GRM7: variants seen among roughly 807,000 people sequenced by gnomAD.
GRM7 encodes the protein metabotropic glutamate receptor 7.
In GRM7, 35 loss-of-function variants were observed where a neutral mutation model predicts 84.5. The observed-to-expected ratio is 0.41, with a 90% CI of 0.32 to 0.55. The LOEUF (loss-of-function observed/expected upper bound fraction) is 0.55. GRM7 is among the 20% of genes least tolerant of loss of function. The probability of loss-of-function intolerance (pLI) is 0.19; values close to 1 mark genes in which losing one functional copy is unlikely to be tolerated. For missense variants in GRM7, 1,003 were observed against 1,194.6 expected, an observed-to-expected ratio of 0.84 and a Z score of 2.36; for synonymous variants, 487 against 455.1, an observed-to-expected ratio of 1.07 and a Z score of -0.89.
intron 2 of GRM7, among the ~76,000 whole-genome samples, chr3:7,223,926 T>C (rs963216046): frequency 6.6e-6 from 1 of 152,184 alleles, no homozygotes; most frequent in African/African-American, 2.4e-5. Context: ...TTAGTCTCTG[T>C]TTCTGAATAT....
intron 1 of GRM7, among the ~76,000 whole-genome samples, chr3:7,101,882 A>T (rs974476056): frequency 6.6e-6 from 1 of 150,472 alleles, no homozygotes; most frequent in Non-Finnish European, 1.5e-5. Flanking sequence ...AAAGATGACA[A>T]TTGGCATCCT....
At chr3:7,627,434 A>T (rs1192861317) in intron 8 of GRM7, among the ~76,000 whole-genome samples, 2 of 147,854 alleles carry the variant, frequency 1.4e-5, no homozygotes, top group African/African-American at 2.7e-5. Flanking sequence ...AATGACTCTT[A>T]TATGAAATAG....
At chr3:6,911,493 A>G (rs17046328) in intron 1 of GRM7, among the ~76,000 whole-genome samples, 4,837 of 152,224 alleles carry the variant, frequency 0.032, 252 homozygotes, top group African/African-American at 0.11. Flanking sequence ...TTTTCTGTGT[A>G]TATATGCAAA....
At chr3:7,328,886 G>T (rs944172866) in intron 4 of GRM7, among the ~76,000 whole-genome samples, 18 of 152,054 alleles carry the variant, frequency 1.2e-4, no homozygotes, top group African/African-American at 4.3e-4. Flanking sequence ...AGTATATGTG[G>T]GATGGATTTT....
At chr3:6,988,087 C>A (rs934763170) in intron 1 of GRM7, among the ~76,000 whole-genome samples, 1 of 150,638 alleles carries the variant, frequency 6.6e-6, no homozygotes, top group African/African-American at 2.4e-5. Context: ...AGCTCCGCCT[C>A]CTGGGTTCAC....
chr3:7,612,280 GC>G (rs1696882945), intron 8 of GRM7, among the ~76,000 whole-genome samples: 1 of 152,120 alleles, frequency 6.6e-6, no homozygotes, highest in Non-Finnish European at 1.5e-5. Context: ...GATAGGTGTG[GC>G]AACAATAGTA....
chr3:7,590,312 A>G (rs1695717690), intron 8 of GRM7, among the ~76,000 whole-genome samples: 1 of 152,158 alleles, frequency 6.6e-6, no homozygotes, highest in African/African-American at 2.4e-5. Flanking sequence ...GGTTTAACTC[A>G]AGATCACAAA....
rs76227177 is a variant in GRM7 at position 7,668,913 on chromosome 3, A to G, written c.2452-11136A>G. Reference sequence around the variant, plus strand: ...ATGCCTTTGATTTCATTACTTCTAGATGCTCCCTCAATCCCTGATTCCCAC... The same window carrying G: ...ATGCCTTTGATTTCATTACTTCTAGGTGCTCCCTCAATCCCTGATTCCCAC... On this transcript the variant is annotated intron_variant, in intron 8 of 9. Coordinates refer to ENST00000357716, the MANE Select transcript of GRM7 (RefSeq NM_000844.4). 4.5e-3 allele frequency among the ~76,000 whole-genome samples: 692 copies of G among 152,348 alleles called. 17 individuals carry two copies. The East Asian group carries it at 0.091, about 20-fold the overall frequency.
In GRM7 at chr3:6,862,941, G is replaced by T. The variant is rs1168027940; in HGVS notation, c.519+1034G>T. On this transcript the variant is annotated intron_variant, in intron 1 of 9. Transcript: ENST00000357716. This position sits in a 1 kb window ranked among gnomAD's most constrained non-coding sequence, Gnocchi z 5.2. Reference sequence around the variant, plus strand: ...GGGCCGCTGAGCGGTGGGTTCTGCCGCAGTGTTCTCTCGCCTCCTGCTCCA... The same window carrying T: ...GGGCCGCTGAGCGGTGGGTTCTGCCTCAGTGTTCTCTCGCCTCCTGCTCCA... 1.8e-5 allele frequency: 8 copies of T among 452,898 alleles called. No homozygotes were observed. Among genetic ancestry groups the T allele is most frequent in the Admixed American group, 4.8e-5 (2 of 41,860 alleles). 28.1% of individuals were successfully genotyped at this position (452,898 alleles called of 1,614,324 possible). A position where few individuals can be genotyped will look rare whatever the true frequency, so the allele number is the denominator to read the frequency against.
intron 8 of GRM7, among the ~76,000 whole-genome samples, chr3:7,591,989 T>A (rs1575531814): frequency 6.6e-6 from 1 of 152,148 alleles, no homozygotes; most frequent in South Asian, 2.1e-4. Flanking sequence ...TGGGTTTCAG[T>A]TTCCTTGTTT....
chr3:7,572,107 G>T (rs1391422282), intron 7 of GRM7, among the ~76,000 whole-genome samples: 2 of 152,120 alleles, frequency 1.3e-5, no homozygotes, highest in African/African-American at 4.8e-5. Flanking sequence ...GATGAGATTT[G>T]GGTGGAGAGA....
At chr3:7,106,458 C>A (rs1692644712) in intron 1 of GRM7, among the ~76,000 whole-genome samples, 1 of 150,602 alleles carries the variant, frequency 6.6e-6, no homozygotes, top group Non-Finnish European at 1.5e-5. Flanking sequence ...CTATCTTGGG[C>A]AGCCAAAAAG....
intron 1 of GRM7, among the ~76,000 whole-genome samples, chr3:7,045,586 A>G (rs940062747): frequency 1.3e-5 from 2 of 152,222 alleles, no homozygotes; most frequent in South Asian, 2.1e-4. Context: ...CTTGGCTTCT[A>G]TGAGCTTTAC....
chr3:7,116,951 C>A (rs549047304), intron 1 of GRM7, among the ~76,000 whole-genome samples: 1 of 152,222 alleles, frequency 6.6e-6, no homozygotes, highest in South Asian at 2.1e-4. Context: ...AAAATTAGAG[C>A]TTAAAATCAA....
At chr3:7,517,415 CAG>C (rs1700433827) in intron 7 of GRM7, among the ~76,000 whole-genome samples, 1 of 151,890 alleles carries the variant, frequency 6.6e-6, no homozygotes, top group South Asian at 2.1e-4. Flanking sequence ...TTATTTGAGA[CAG>C]AGTCTCGCTC....
intron 7 of GRM7, among the ~76,000 whole-genome samples, chr3:7,484,242 C>G (rs1699239928): frequency 6.6e-6 from 1 of 152,080 alleles, no homozygotes; most frequent in Non-Finnish European, 1.5e-5. Context: ...TAGACTTTGT[C>G]AGGTCTTGTT....
chr3:7,601,231 CCTTCTGA>C (rs1264620198), intron 8 of GRM7, among the ~76,000 whole-genome samples: 13 of 152,256 alleles, frequency 8.5e-5, no homozygotes, highest in Admixed American at 3.9e-4. Context: ...CTGTCATTCA[CCTTCTGA>C]CTTCTGACTT....
intron 2 of GRM7, among the ~76,000 whole-genome samples, chr3:7,287,515 T>G (rs1699472035): frequency 6.6e-6 from 1 of 152,174 alleles, no homozygotes; most frequent in African/African-American, 2.4e-5. Context: ...AATGTGATGT[T>G]AACTAGCATC....
At chr3:7,604,011 T>C (rs1278499544) in intron 8 of GRM7, among the ~76,000 whole-genome samples, 1 of 152,274 alleles carries the variant, frequency 6.6e-6, no homozygotes, top group African/African-American at 2.4e-5. Context: ...GGGTAGAATT[T>C]ATCTTTTTGT....
Sources: allele counts gnomAD v4.1 joint callset (sites outside exome capture counted in the v4.1 genomes callset), GRCh38; gene constraint gnomAD v4.1.1; non-coding constraint Gnocchi (gnomAD v3.1); transcripts MANE v1.5; gene names NCBI Gene and HGNC (gene_info 2026-07-23, HGNC 2026-07-21).